Variants in WDR44 observed in about 807,000 individuals in gnomAD.
WDR44 encodes the protein WD repeat-containing protein 44.
In WDR44, 9 loss-of-function variants were observed where a neutral mutation model predicts 65.7. The ratio of observed to expected loss-of-function variants is 0.14; its 90% CI spans 0.08 to 0.24. The LOEUF (loss-of-function observed/expected upper bound fraction) is 0.24, where lower values mean the gene tolerates loss of function less well. WDR44 is among the 10% of genes least tolerant of loss of function. The pLI, the probability that WDR44 is intolerant of heterozygous loss-of-function variation, is 1.00. For synonymous variants in WDR44, 220 were observed against 235.2 expected, an observed-to-expected ratio of 0.94 and a Z score of 0.59; for missense variants, 425 against 670.9, an observed-to-expected ratio of 0.63 and a Z score of 4.05.
intron 12 of WDR44, among the ~76,000 whole-genome samples, chrX:118,430,566 A>T (rs1185311398): frequency 1.3e-5 from 1 of 77,363 alleles, no homozygotes; most frequent in East Asian, 4.9e-4. Flanking sequence ...TAGTCTGGTC[A>T]TGGTGGCTCA....
Position 118,393,232 on chromosome X carries a change from G to C in WDR44, c.787G>C (p.Glu263Gln). Residue 263 changes from glutamate (E) to glutamine (Q), a missense_variant, in exon 4 of 20, where the codon GAA becomes CAA. Around this residue, in one of 5 missense-constraint regions of WDR44, gnomAD observed 193 missense variants for 209.0 expected, o/e 0.92. Coordinates refer to ENST00000254029, the MANE Select transcript of WDR44 (RefSeq NM_019045.5). ...TCCACCACCAAGAAAAAGGAAAAGC[G>C]AATTGGAATTTGAGACTCTGAAAAC... ...PAPPPRKRKS[E>Q]LEFETLKTPD... 1 of 1,198,339 alleles carries C rather than the reference G, an allele frequency of 8.3e-7. No individual in the cohort carries two copies. Among genetic ancestry groups the C allele is most frequent in the East Asian group, 3.0e-5 (1 of 33,795 alleles).
intron 1 of WDR44, among the ~76,000 whole-genome samples, chrX:118,371,997 C>CTTTT (rs754818345): frequency 1.1e-5 from 1 of 93,096 alleles, no homozygotes; most frequent in Non-Finnish European, 2.2e-5. Flanking sequence ...TTTTTTATTT[C>CTTTT]TTTTTTTTTT....
At chrX:118,405,122 G>A (rs190152699) in intron 9 of WDR44, among the ~76,000 whole-genome samples, 1,624 of 109,932 alleles carry the variant, frequency 0.015, 32 homozygotes, top group African/African-American at 0.051. Flanking sequence ...TGCAACCTCC[G>A]TCTCCTGGGT....
chrX:118,347,858 A>G (rs1447009356), intron 1 of WDR44, among the ~76,000 whole-genome samples: 1 of 112,440 alleles, frequency 8.9e-6, no homozygotes, highest in Non-Finnish European at 1.9e-5. Context: ...TTGAGATGAC[A>G]CCGAATCTCC....
intron 1 of WDR44, among the ~76,000 whole-genome samples, chrX:118,354,331 T>G (rs1334837833): frequency 1.8e-5 from 2 of 109,821 alleles, no homozygotes; most frequent in African/African-American, 6.6e-5. Flanking sequence ...GGCAGGAGGA[T>G]TGCTTGGGCC....
Position 118,403,653 on chromosome X carries a change from T to C in WDR44, c.1275-685T>C, listed in dbSNP as rs191454916. Among the ~76,000 whole-genome samples, 6 of 112,141 alleles carry C rather than the reference T, an allele frequency of 5.4e-5. No individual in the cohort carries two copies. The Admixed American group carries it at 5.7e-4, about 11-fold the overall frequency. On this transcript the variant is annotated intron_variant, in intron 8 of 19. Transcript: ENST00000254029. Reference sequence around the variant, plus strand: ...ATTTACTCCTGATTTGTATTTCTTTTGGTTTTAAATATCATCATGTACTGT... The same window carrying C: ...ATTTACTCCTGATTTGTATTTCTTTCGGTTTTAAATATCATCATGTACTGT...
At chrX:118,359,023 A>G (rs1279116317) in intron 1 of WDR44, among the ~76,000 whole-genome samples, 2 of 108,749 alleles carry the variant, frequency 1.8e-5, no homozygotes, top group Admixed American at 9.8e-5. Context: ...GCAGTGAGCC[A>G]AGATCACACC....
rs766662920 is a variant in WDR44, at chrX:118,370,220, C to T, written c.78-8199C>T. Among the ~76,000 whole-genome samples, 8 of 112,055 alleles carry T rather than the reference C, an allele frequency of 7.1e-5. No homozygotes were observed. The South Asian group carries it at 3.0e-3, about 42-fold the overall frequency. On this transcript the variant is annotated intron_variant, in intron 1 of 19. Coordinates refer to ENST00000254029, the MANE Select transcript of WDR44 (RefSeq NM_019045.5). Reference sequence around the variant, plus strand: ...AAAGGAAACAACAGTGAAAAGACAACCTACAGATTGGGAGAAAATATTTGC... The same window carrying T: ...AAAGGAAACAACAGTGAAAAGACAATCTACAGATTGGGAGAAAATATTTGC...
chrX:118,433,888 G>A (rs1345630560), intron 13 of WDR44, among the ~76,000 whole-genome samples: 3 of 111,752 alleles, frequency 2.7e-5, no homozygotes, highest in Non-Finnish European at 5.6e-5. Flanking sequence ...CATGTGCTCT[G>A]TTCGTACCCT....
intron 9 of WDR44, among the ~76,000 whole-genome samples, chrX:118,404,725 G>C (rs951042630): frequency 2.7e-5 from 3 of 111,823 alleles, no homozygotes; most frequent in African/African-American, 9.8e-5. Flanking sequence ...ATTTGAGATG[G>C]AGTCTTACTC....
intron 12 of WDR44, among the ~76,000 whole-genome samples, chrX:118,415,688 G>C (rs905336950): frequency 4.5e-5 from 5 of 111,418 alleles, no homozygotes; most frequent in African/African-American, 1.3e-4. Flanking sequence ...ATTTTTAGTA[G>C]AGACGAGGTT....
chrX:118,379,192 T>C (rs937578404), intron 2 of WDR44, among the ~76,000 whole-genome samples: 1 of 111,505 alleles, frequency 9.0e-6, no homozygotes, highest in Non-Finnish European at 1.9e-5. Context: ...TATTGAGATA[T>C]TATGCCACTG....
intron 8 of WDR44, among the ~76,000 whole-genome samples, chrX:118,402,304 G>C (rs767301267): frequency 9.3e-6 from 1 of 107,204 alleles, no homozygotes; most frequent in African/African-American, 3.4e-5. Context: ...GCATGGTGGT[G>C]GGCGCCTGTA....
rs201881713 is a variant in WDR44 at position 118,423,175 on chromosome X, G to GT, written c.1738-9596dup. Among the ~76,000 whole-genome samples the GT allele has an allele frequency of 9.7e-3, 1,031 of 106,154 alleles. 29 individuals carry two copies. Among genetic ancestry groups the GT allele is most frequent in the East Asian group, 0.085 (287 of 3,389 alleles). 92.2% of individuals were successfully genotyped at this position (106,154 alleles called of 115,157 possible). On this transcript the variant is annotated intron_variant, in intron 12 of 19. Coordinates refer to ENST00000254029, the MANE Select transcript of WDR44 (RefSeq NM_019045.5). Reference sequence around the variant, plus strand: ...TAAGTAAATTTTATAATATAAAGTTGTTTTTTTTTTGAGATAGAGTTTCAC... The same window carrying GT: ...TAAGTAAATTTTATAATATAAAGTTGTTTTTTTTTTTGAGATAGAGTTTCAC...
intron 2 of WDR44, among the ~76,000 whole-genome samples, chrX:118,382,015 C>T (rs1260698719): frequency 2.7e-5 from 3 of 111,298 alleles, no homozygotes; most frequent in Admixed American, 1.9e-4. Context: ...CAGACTCAAA[C>T]CCCACACCCA....
chrX:118,383,321 A>G (rs757912423), intron 2 of WDR44, among the ~76,000 whole-genome samples: 1 of 96,978 alleles, frequency 1.0e-5, no homozygotes, highest in South Asian at 3.7e-4. Flanking sequence ...GGCCGAGTGC[A>G]GTGACACATA....
intron 1 of WDR44, among the ~76,000 whole-genome samples, chrX:118,367,044 C>T (rs1452317119): frequency 9.1e-6 from 1 of 109,562 alleles, no homozygotes; most frequent in Non-Finnish European, 1.9e-5. Context: ...CGAGATCACG[C>T]CACTGCACCC....
At chrX:118,371,546 GA>G (rs2056613880) in intron 1 of WDR44, among the ~76,000 whole-genome samples, 1 of 111,722 alleles carries the variant, frequency 9.0e-6, no homozygotes, top group South Asian at 3.7e-4. Context: ...TAATATGTTG[GA>G]AGTTTGAGTT....
Position 118,366,290 on chromosome X carries a change from G to A in WDR44, c.78-12129G>A, listed in dbSNP as rs139965559. Among the ~76,000 whole-genome samples, 639 of 111,158 alleles carry A rather than the reference G, an allele frequency of 5.7e-3. 3 individuals carry two copies. The highest frequency in any genetic ancestry group is 0.02 in the African/African-American group (600 of 30,604). On this transcript the variant is annotated intron_variant, in intron 1 of 19. Transcript: ENST00000254029. ...ATAAATTAAGAAAAATCTTGTCTCC[G>A]GTATTTTTTTTAAATCTTAGCACAT...
Sources: gnomAD v4.1 joint callset for allele counts (sites outside exome capture counted in the v4.1 genomes callset) on GRCh38, gnomAD v4.1.1 for gene constraint, gnomAD v4.1.1 regional missense constraint, MANE v1.5 for transcripts, NCBI Gene and HGNC (gene_info 2026-07-23, HGNC 2026-07-21) for gene names.